Variants in CPNE2 observed in about 807,000 individuals in gnomAD.
The protein encoded by CPNE2 is copine 2.
CPNE2 carries 42 observed loss-of-function variants against 69.7 expected under a neutral mutation model. The ratio of observed to expected loss-of-function variants is 0.60; its 90% CI spans 0.47 to 0.78. The LOEUF (loss-of-function observed/expected upper bound fraction) is 0.78. CPNE2 is among the 30% of genes least tolerant of loss of function. The pLI, the probability that CPNE2 is intolerant of heterozygous loss-of-function variation, is 0.00. For missense variants in CPNE2, 587 were observed against 732.0 expected (o/e 0.80, Z 2.29); for synonymous variants, 294 against 289.8 (o/e 1.01, Z -0.15).
At chr16:57,093,874 A>G (rs1301112444) in intron 1 of CPNE2, 1 of 354,218 alleles carries the variant, frequency 2.8e-6, no homozygotes, top group African/African-American at 2.2e-5. Context: ...CGCAGATTGT[A>G]ATCCCTGGCA....
chr16:57,137,071 A>C (rs1205726720), intron 13 of CPNE2, 78 bp from the exon 14 acceptor site: 7 of 1,559,262 alleles, frequency 4.5e-6, no homozygotes, highest in Non-Finnish European at 6.1e-6. Flanking sequence ...CATGAAATAG[A>C]TGTTTCATCA....
In CPNE2 at chr16:57,113,461, G is replaced by A; in HGVS notation, c.354G>A (p.Leu118=). Residue 118 remains leucine (L), a synonymous_variant, in exon 3 of 16, where the codon CTG becomes CTA. Transcript: ENST00000290776. ...TCCTGGGCCAGTTCTCCTGCAGCCTGGGCACGGTGAGCTGGGCCCTCCTGG... is the reference window on the plus strand; with the variant it reads ...TCCTGGGCCAGTTCTCCTGCAGCCTAGGCACGGTGAGCTGGGCCCTCCTGG... ...HDFLGQFSCS[L]GTIVSSKKIT... is the part of the protein sequence containing the mutation. 1.2e-6 allele frequency: 2 copies of A among 1,613,566 alleles called. No individual in the cohort carries two copies. The highest frequency in any genetic ancestry group is 2.2e-5 in the South Asian group (2 of 91,032).
Position 57,113,313 on chromosome 16 carries a change from A to G in CPNE2, c.206A>G (p.Asn69Ser), listed in dbSNP as rs2069693641. 6.2e-7 allele frequency: 1 copy of G among 1,614,108 alleles called. No homozygotes were observed. The highest frequency in any genetic ancestry group is 2.2e-5 in the East Asian group (1 of 44,886). ...IEYDRTETAI[N>S]NLNPAFSKKF... ...TACGACAGGACAGAAACCGCGATCA[A>G]CAACCTCAACCCCGCCTTCTCCAAG... Residue 69 changes from asparagine (N) to serine (S), a missense_variant, in exon 3 of 16, where the codon AAC (asparagine) becomes AGC (serine). Coordinates refer to ENST00000290776, the MANE Select transcript of CPNE2 (RefSeq NM_152727.6).
rs557703653 is a variant in CPNE2, at chr16:57,130,287, G to T, written c.1116+2384G>T. ...CCAGCTACTCGGGAGGCTGAGGCAGGAAGATCCCTGGAGCCCAGTGAGCTA... is the reference window on the plus strand; with the variant it reads ...CCAGCTACTCGGGAGGCTGAGGCAGTAAGATCCCTGGAGCCCAGTGAGCTA... On this transcript the variant is annotated intron_variant, in intron 12 of 15. Transcript: ENST00000290776. This position sits in a 1 kb window ranked among gnomAD's most constrained non-coding sequence, Gnocchi z 4.1. Among the ~76,000 whole-genome samples the T allele has an allele frequency of 6.6e-6, 1 of 152,108 alleles. No individual in the cohort carries two copies. Among genetic ancestry groups the T allele is most frequent in the South Asian group, 2.1e-4 (1 of 4,818 alleles).
intron 10 of CPNE2, chr16:57,125,580 A>G (rs913404021): frequency 2.1e-6 from 1 of 475,592 alleles, no homozygotes; most frequent in South Asian, 2.0e-5. Flanking sequence ...GTGGATAGGG[A>G]TAGTAAGGAG....
At chr16:57,122,071 C>T (rs1359279990) in intron 9 of CPNE2, among the ~76,000 whole-genome samples, 7 of 152,256 alleles carry the variant, frequency 4.6e-5, no homozygotes, top group African/African-American at 1.7e-4. Flanking sequence ...GAGTTGCTGC[C>T]GCCCACGGTG....
Position 57,139,358 on chromosome 16 carries a change from A to T in CPNE2, c.1302+2076A>T, listed in dbSNP as rs59817534. Among the ~76,000 whole-genome samples, 885 of 152,244 alleles carry T rather than the reference A, an allele frequency of 5.8e-3. 11 individuals carry two copies. Among genetic ancestry groups the T allele is most frequent in the African/African-American group, 0.021 (859 of 41,526 alleles). On this transcript the variant is annotated intron_variant, in intron 14 of 15. Transcript: ENST00000290776. ...GAGTGCAGGGTCTGCAAAATATCTC[A>T]AGCACTGATCTTAGGTTTCACAGTA...
At position 57,148,098 on chromosome 16, in the gene CPNE2, TGCTCAGG is replaced by T. The variant is rs1476204058; in HGVS notation, c.*442_*448del. 2 of 153,634 alleles carry T rather than the reference TGCTCAGG, an allele frequency of 1.3e-5. No homozygotes were observed. The highest frequency in any genetic ancestry group is 4.8e-5 in the African/African-American group (2 of 41,494). The allele number at this position is 153,634 out of a possible 1,614,324, so 9.5% of individuals were successfully genotyped here. Reference sequence around the variant, plus strand: ...CTGTGACTGTGTTCTATTTGTTATATGCTCAGGGTAACAAATGAGTTTCAGACGTCCC... The same window carrying T: ...CTGTGACTGTGTTCTATTTGTTATATGTAACAAATGAGTTTCAGACGTCCC... On this transcript the variant is annotated 3_prime_UTR_variant, in exon 16 of 16. Coordinates refer to ENST00000290776, the MANE Select transcript of CPNE2 (RefSeq NM_152727.6).
At chr16:57,113,258 C>T in intron 2 of CPNE2, 30 bp from the exon 3 acceptor site, 4 of 1,607,032 alleles carry the variant, frequency 2.5e-6, no homozygotes, top group Non-Finnish European at 2.6e-6. Flanking sequence ...TGCCTTGACT[C>T]TGACTTCCAT....
At chr16:57,139,787 G>A (rs1422320579) in intron 14 of CPNE2, among the ~76,000 whole-genome samples, 6 of 152,154 alleles carry the variant, frequency 3.9e-5, no homozygotes, top group Admixed American at 6.5e-5. Flanking sequence ...TGGGTACCCT[G>A]GAGTGGCGGG....
chr16:57,144,032 T>C (rs528122087), intron 14 of CPNE2: 11 of 152,438 alleles, frequency 7.2e-5, no homozygotes, highest in Admixed American at 2.0e-4. Flanking sequence ...TGCCCTGGAC[T>C]GTTTCTGATG....
rs141606097 is a variant in CPNE2 at position 57,130,574 on chromosome 16, C to G, written c.1116+2671C>G. 3.5e-4 allele frequency among the ~76,000 whole-genome samples: 53 copies of G among 152,108 alleles called. No individual in the cohort carries two copies. Among genetic ancestry groups the G allele is most frequent in the African/African-American group, 1.2e-3 (49 of 41,478 alleles). ...CTTTACCAGTTTCAACTAATTCTCACCAAAGCCAATGAGGTAGGCCCTGTT... is the reference window on the plus strand; with the variant it reads ...CTTTACCAGTTTCAACTAATTCTCAGCAAAGCCAATGAGGTAGGCCCTGTT... On this transcript the variant is annotated intron_variant, in intron 12 of 15. Transcript: ENST00000290776. The surrounding 1 kb of genome is among the most constrained non-coding windows in gnomAD (Gnocchi z 4.1).
Position 57,134,755 on chromosome 16 carries a change from G to A in CPNE2, c.1117-20G>A, listed in dbSNP as rs1470926372. 5.6e-6 allele frequency: 9 copies of A among 1,613,762 alleles called. No homozygotes were observed. The South Asian group carries it at 9.9e-5, about 18-fold the overall frequency. On this transcript the variant is annotated intron_variant, in intron 12 of 15. Transcript: ENST00000290776. ...TTTGGGGGCGGGAGGCTGCAGCTCA[G>A]CGTTTTCTCTGCGTTTCAGGTCTCC... is the stretch of plus-strand genomic sequence containing the variant.
intron 11 of CPNE2, among the ~76,000 whole-genome samples, chr16:57,126,944 T>C (rs1177392806): frequency 2.0e-5 from 3 of 152,178 alleles, no homozygotes; most frequent in African/African-American, 7.2e-5. Flanking sequence ...TTCATTAGCT[T>C]CCTCATCAGT....
intron 1 of CPNE2, among the ~76,000 whole-genome samples, chr16:57,101,239 A>G (rs1486523779): frequency 1.3e-5 from 2 of 152,232 alleles, no homozygotes; most frequent in Non-Finnish European, 2.9e-5. Flanking sequence ...TCTTGAAAAT[A>G]CATTTCTCTC....
In CPNE2 at chr16:57,137,258, G is replaced by A; in HGVS notation, c.1278G>A (p.Gln426=). 1.2e-6 allele frequency: 2 copies of A among 1,614,222 alleles called. No homozygotes were observed. Among genetic ancestry groups the A allele is most frequent in the Non-Finnish European group, 1.7e-6 (2 of 1,180,046 alleles). The change falls in exon 14 of 16, where the codon CAG becomes CAA. Residue 426 remains glutamine (Q), a synonymous_variant. Coordinates refer to ENST00000290776, the MANE Select transcript of CPNE2 (RefSeq NM_152727.6). ...ACCACGTGGCCCGGTTTGCGGCCCA[G>A]GCCACACAACAGCGGACGGCCACGG... The part of the protein sequence containing the change: ...IVNHVARFAA[Q]ATQQRTATQY...
chr16:57,141,325 G>A (rs2145283581), intron 14 of CPNE2: 1 of 152,378 alleles, frequency 6.6e-6, no homozygotes, highest in East Asian at 1.9e-4. Flanking sequence ...CAAGCACCTG[G>A]TGCTAGTCCT....
chr16:57,128,795 C>G (rs769413053), intron 12 of CPNE2, among the ~76,000 whole-genome samples: 31 of 152,194 alleles, frequency 2.0e-4, no homozygotes, highest in Non-Finnish European at 3.4e-4. Flanking sequence ...TGTTATTCCC[C>G]TCTGTGTGTC....
chr16:57,120,976 T>C, intron 7 of CPNE2, 117 bp from the exon 8 acceptor site: 4 of 664,282 alleles, frequency 6.0e-6, no homozygotes, highest in Non-Finnish European at 1.0e-5. Flanking sequence ...GCTAGGCAGA[T>C]GCTGAGGAGA....
Sources: gnomAD v4.1 joint callset for allele counts (sites outside exome capture counted in the v4.1 genomes callset) on GRCh38, gnomAD v4.1.1 for gene constraint, Gnocchi (gnomAD v3.1) non-coding constraint, MANE v1.5 for transcripts, NCBI Gene and HGNC (gene_info 2026-07-23, HGNC 2026-07-21) for gene names.